Variants in MPDZ observed in about 807,000 individuals in gnomAD.
MPDZ encodes multiple PDZ domain crumbs cell polarity complex component.
Under a neutral mutation model 239.1 loss-of-function variants are expected in MPDZ, and 234 were observed. That is an observed-to-expected ratio of 0.98 (90% CI 0.88 to 1.09). The LOEUF (loss-of-function observed/expected upper bound fraction) is 1.09, where lower values mean the gene tolerates loss of function less well. MPDZ is among the 50% of genes least tolerant of loss of function. MPDZ has a pLI of 0.00. For missense variants in MPDZ, 3,175 were observed against 2,510.0 expected (o/e 1.26, Z -5.66); for synonymous variants, 1,048 against 881.3 (o/e 1.19, Z -3.35).
At chr9:13,247,055 C>T (rs1207924737) in intron 3 of MPDZ, among the ~76,000 whole-genome samples, 2 of 152,154 alleles carry the variant, frequency 1.3e-5, no homozygotes, top group Non-Finnish European at 2.9e-5. Flanking sequence ...CAAAAAAGCA[C>T]TGTGTTACAT....
rs2136301136 is a variant in MPDZ at position 13,222,221 on chromosome 9, T to G, written c.747+12A>C. 2 of 1,597,822 alleles carry G rather than the reference T, an allele frequency of 1.3e-6. No homozygotes were observed. Among genetic ancestry groups the G allele is most frequent in the Non-Finnish European group, 1.7e-6 (2 of 1,172,106 alleles). On this transcript the variant is annotated intron_variant, in intron 6 of 46. Coordinates refer to ENST00000319217, the MANE Select transcript of MPDZ (RefSeq NM_001378778.1). ...ATACGTTCTGTTCCTTTTGAAAATTTTAGGTACTCACCGGATTAGAGTGAG... is the reference window on the plus strand; with the variant it reads ...ATACGTTCTGTTCCTTTTGAAAATTGTAGGTACTCACCGGATTAGAGTGAG...
intron 39 of MPDZ, among the ~76,000 whole-genome samples, chr9:13,117,176 A>G (rs966499578): frequency 2.0e-5 from 3 of 152,162 alleles, no homozygotes; most frequent in African/African-American, 7.2e-5. Context: ...CTCCTTCTAA[A>G]AATACCTTAT....
chr9:13,243,511 C>G (rs1965907189), intron 3 of MPDZ, among the ~76,000 whole-genome samples: 1 of 151,868 alleles, frequency 6.6e-6, no homozygotes, highest in Admixed American at 6.6e-5. Context: ...TTTAACAAGT[C>G]TTGCCATTAG....
At position 13,115,322 on chromosome 9, in the gene MPDZ, T is replaced by A. The variant is rs760481169; in HGVS notation, c.5392A>T (p.Thr1798Ser). Residue 1798 changes from threonine (T) to serine (S), a missense_variant, in exon 40 of 47, where the codon ACA becomes TCA. Thr to Ser is a moderately conservative substitution (Grantham distance 58). Transcript: ENST00000319217. Reference protein sequence around the residue: ...VAALLKCSLGTVTLEVGRIKA... With the variant: ...VAALLKCSLGSVTLEVGRIKA... ...ATTCTTCCAACTTCCAAGGTTACTG[T>A]GCCTAGGGAACACTGGGGGTGGGCA... The A allele has an allele frequency of 2.5e-6, 4 of 1,612,344 alleles. No homozygotes were observed. Among genetic ancestry groups the A allele is most frequent in the African/African-American group, 1.3e-5 (1 of 74,868 alleles).
rs942340065 is a variant in MPDZ at position 13,175,616 on chromosome 9, G to T, written c.3055+136C>A. 3.7e-5 allele frequency: 33 copies of T among 892,788 alleles called. 4 individuals are homozygous for T. In the Admixed American group the frequency reaches 5.4e-4, roughly 15 times the overall value. The allele number at this position is 892,788 out of a possible 1,614,324, so 55.3% of individuals were successfully genotyped here. ...ATTTCAAAAAAATAATGAGGACATAGAAATAAAAACTACAGGAAAATTTCT... is the reference window on the plus strand; with the variant it reads ...ATTTCAAAAAAATAATGAGGACATATAAATAAAAACTACAGGAAAATTTCT... On this transcript the variant is annotated intron_variant, in intron 21 of 46. Transcript: ENST00000319217.
intron 2 of MPDZ, among the ~76,000 whole-genome samples, chr9:13,248,574 A>G (rs926649378): frequency 1.3e-5 from 2 of 152,036 alleles, no homozygotes; most frequent in African/African-American, 4.8e-5. Flanking sequence ...GTGAAGCCAA[A>G]ATTTTTTTTT....
intron 25 of MPDZ, among the ~76,000 whole-genome samples, chr9:13,149,507 AC>A (rs1343102925): frequency 1.3e-5 from 2 of 151,946 alleles, no homozygotes; most frequent in African/African-American, 4.8e-5. Flanking sequence ...TAGGTCAGGT[AC>A]TCCTTTCTCT....
chr9:13,264,612 T>C (rs989370453), intron 1 of MPDZ, among the ~76,000 whole-genome samples: 1 of 151,794 alleles, frequency 6.6e-6, no homozygotes, highest in African/African-American at 2.4e-5. Flanking sequence ...TATAGCCCAT[T>C]GCATTATATT....
chr9:13,142,607 G>T (rs1408479052), intron 27 of MPDZ, among the ~76,000 whole-genome samples: 1 of 152,042 alleles, frequency 6.6e-6, no homozygotes, highest in Admixed American at 6.6e-5. Flanking sequence ...ACCCACATAC[G>T]AAAATTCCAC....
intron 32 of MPDZ, among the ~76,000 whole-genome samples, chr9:13,132,400 A>C (rs1044486880): frequency 6.6e-6 from 1 of 152,162 alleles, no homozygotes; most frequent in African/African-American, 2.4e-5. Context: ...CTCATTGCTA[A>C]ATGCCCAGCC....
In MPDZ at chr9:13,158,109, C is replaced by G. The variant is rs377727138; in HGVS notation, c.3361G>C (p.Asp1121His). 3 of 1,611,692 alleles carry G rather than the reference C, an allele frequency of 1.9e-6. No individual in the cohort carries two copies. Among genetic ancestry groups the G allele is most frequent in the Non-Finnish European group, 2.5e-6 (3 of 1,178,558 alleles). The change falls in exon 24 of 47, where the codon GAC becomes CAC. Residue 1121 changes from aspartate (D) to histidine (H), a missense_variant and splice_region_variant. Asp to His is a moderately conservative substitution (Grantham distance 81, BLOSUM62 -1). Transcript: ENST00000319217. ...TCTCGCTCTGGTAATTCTGGAATGT[C>G]TCTGGTTAAAGAATTACACAATGAG... ...LDIFSSYTGR[D>H]IPELPEREEG...
rs766646988 is a variant in MPDZ at position 13,114,037 on chromosome 9, A to G, written c.5467-16T>C. The G allele has an allele frequency of 5.1e-6, 8 of 1,567,102 alleles. No homozygotes were observed. In the South Asian group the frequency reaches 9.4e-5, roughly 18 times the overall value. On this transcript the variant is annotated splice_polypyrimidine_tract_variant and intron_variant, in intron 40 of 46. Coordinates refer to ENST00000319217, the MANE Select transcript of MPDZ (RefSeq NM_001378778.1). ...CTTCACTCACCTACAAATATACAAC[A>G]ATTATTTCAGAAGGTTTTGCAAGTA...
chr9:13,166,717 T>G (rs184121721), intron 22 of MPDZ, among the ~76,000 whole-genome samples: 102 of 152,198 alleles, frequency 6.7e-4, no homozygotes, highest in Non-Finnish European at 8.1e-4. Flanking sequence ...ATACCCTTCA[T>G]AGTCATAATA....
chr9:13,233,381 G>C (rs1188384600), intron 3 of MPDZ, among the ~76,000 whole-genome samples: 1 of 152,018 alleles, frequency 6.6e-6, no homozygotes, highest in South Asian at 2.1e-4. Context: ...GAATCTCACA[G>C]ACACAAAGAC....
At position 13,133,852 on chromosome 9, in the gene MPDZ, T is replaced by C; in HGVS notation, c.4436A>G (p.Lys1479Arg). The change falls in exon 32 of 47, where the codon AAA (lysine) becomes AGA (arginine). Residue 1479 changes from lysine to arginine, a missense_variant. Physicochemically the swap from Lys to Arg is conservative, Grantham distance 26 (BLOSUM62 2). Coordinates refer to ENST00000319217, the MANE Select transcript of MPDZ (RefSeq NM_001378778.1). The part of the protein sequence containing the change: ...SDAAVDLSSF[K>R]NVQHLELPKD... ...GGGAAGCTCCAGATGTTGCACATTT[T>C]TAAATGAACTGAGGTCCACAGCTGC... 1 of 1,607,512 alleles carries C rather than the reference T, an allele frequency of 6.2e-7. No homozygotes were observed. The highest frequency in any genetic ancestry group is 1.7e-5 in the Admixed American group (1 of 59,470).
At chr9:13,180,437 A>G (rs1368588105) in intron 19 of MPDZ, among the ~76,000 whole-genome samples, 1 of 152,176 alleles carries the variant, frequency 6.6e-6, no homozygotes, top group Non-Finnish European at 1.5e-5. Context: ...ACAGAGTAAG[A>G]GTATGAGTGT....
intron 12 of MPDZ, among the ~76,000 whole-genome samples, chr9:13,197,985 C>T (rs1430622151): frequency 6.6e-6 from 1 of 152,150 alleles, no homozygotes; most frequent in Non-Finnish European, 1.5e-5. Context: ...CTTTCTTCAT[C>T]CATTCTCCTG....
chr9:13,198,737 C>CTCTCTGTGTGTG (rs755487892), intron 12 of MPDZ, among the ~76,000 whole-genome samples: 1,017 of 69,632 alleles, frequency 0.015, 21 homozygotes, highest in South Asian at 0.024. Flanking sequence ...ATCTCTCTCT[C>CTCTCTGTGTGTG]TGTGTGTGTG....
In MPDZ at chr9:13,251,764, G is replaced by A. The variant is rs190172481; in HGVS notation, c.-57-1392C>T. Among the ~76,000 whole-genome samples, 243 of 152,312 alleles carry A rather than the reference G, an allele frequency of 1.6e-3. 1 individual carries two copies. The highest frequency in any genetic ancestry group is 5.6e-3 in the African/African-American group (231 of 41,584). On this transcript the variant is annotated intron_variant, in intron 1 of 46. Transcript: ENST00000319217. Reference sequence around the variant, plus strand: ...TCTGTGTGATAAGAGAGAACAGTACGTATTGATTTGCCTTATCCCAATGTA... The same window carrying A: ...TCTGTGTGATAAGAGAGAACAGTACATATTGATTTGCCTTATCCCAATGTA...
Sources: allele counts gnomAD v4.1 joint callset (sites outside exome capture counted in the v4.1 genomes callset), GRCh38; gene constraint gnomAD v4.1.1; transcripts MANE v1.5; gene names NCBI Gene and HGNC (gene_info 2026-07-23, HGNC 2026-07-21).